Variants in NPAS3 observed in about 807,000 individuals in gnomAD.
NPAS3 encodes neuronal PAS domain-containing protein 3.
NPAS3 carries 14 observed loss-of-function variants against 73.1 expected under a neutral mutation model. That is an observed-to-expected ratio of 0.19 (90% confidence interval 0.13 to 0.30). The LOEUF (loss-of-function observed/expected upper bound fraction) is 0.30. Among genes scored for constraint, NPAS3 ranks in the 10% least tolerant of loss-of-function variants. The pLI, the probability that NPAS3 is intolerant of heterozygous loss-of-function variation, is 1.00. For synonymous variants in NPAS3, 620 were observed against 541.5 expected, an observed-to-expected ratio of 1.14 and a Z score of -2.01; for missense variants, 1,096 against 1,250.0, an observed-to-expected ratio of 0.88 and a Z score of 1.86.
rs1473417325 is a variant in NPAS3 at position 33,683,052 on chromosome 14, TAACTTTCTC to T, written c.733+6668_733+6676del. 4.8e-5 allele frequency among the ~76,000 whole-genome samples: 3 copies of T among 62,560 alleles called. No homozygotes were observed. In the East Asian group the frequency reaches 0.011, roughly 225 times the overall value. 41.0% of individuals were successfully genotyped at this position (62,560 alleles called of 152,430 possible). ...ACAGTTCTGCATGCCATTCTGAAAC[TAACTTTCTC>T]TTCTCTTTCAAAATTTAAATCACAG... On this transcript the variant is annotated intron_variant, in intron 6 of 11. Transcript: ENST00000356141.
intron 1 of NPAS3, among the ~76,000 whole-genome samples, chr14:32,975,860 CGTGTGTGT>C (rs71118522): frequency 1.6e-4 from 23 of 145,746 alleles, no homozygotes; most frequent in South Asian, 6.8e-4. Flanking sequence ...TGGTGAGGGG[CGTGTGTGT>C]GTGTGTGTGT....
chr14:32,999,712 A>G (rs955362469), intron 1 of NPAS3, among the ~76,000 whole-genome samples: 2 of 152,162 alleles, frequency 1.3e-5, no homozygotes, highest in African/African-American at 4.8e-5. Context: ...CAAAAATTAT[A>G]TATAGCCCGG....
intron 1 of NPAS3, among the ~76,000 whole-genome samples, chr14:32,970,230 T>C (rs2037361807): frequency 6.6e-6 from 1 of 152,198 alleles, no homozygotes; most frequent in African/African-American, 2.4e-5. Context: ...TAAATTCATA[T>C]CTGAAAATTC....
chr14:33,785,669 T>C (rs899970816), intron 9 of NPAS3, among the ~76,000 whole-genome samples: 4 of 152,172 alleles, frequency 2.6e-5, no homozygotes, highest in African/African-American at 9.7e-5. Context: ...CATGTATGTG[T>C]CTAACATGCA....
chr14:33,758,506 A>C (rs564335573), intron 7 of NPAS3, among the ~76,000 whole-genome samples: 1 of 152,218 alleles, frequency 6.6e-6, no homozygotes, highest in Non-Finnish European at 1.5e-5. Flanking sequence ...ACTCCTATTA[A>C]GATTTTAAAT....
At chr14:33,165,332 G>T (rs2045088114) in intron 2 of NPAS3, among the ~76,000 whole-genome samples, 1 of 151,348 alleles carries the variant, frequency 6.6e-6, no homozygotes. Context: ...GCATAATCTA[G>T]TAGGCTATCC....
At chr14:33,664,972 A>G (rs2059412085) in intron 5 of NPAS3, among the ~76,000 whole-genome samples, 1 of 152,242 alleles carries the variant, frequency 6.6e-6, no homozygotes, top group Admixed American at 6.5e-5. Flanking sequence ...ATCTAGAACC[A>G]GAAATACCAT....
At chr14:33,686,811 A>T (rs771037914) in intron 6 of NPAS3, among the ~76,000 whole-genome samples, 9 of 152,124 alleles carry the variant, frequency 5.9e-5, no homozygotes, top group Non-Finnish European at 1.0e-4. Flanking sequence ...TGAGACCACC[A>T]GCAGCTAGGG....
chr14:33,329,050 C>A (rs1201796789), intron 3 of NPAS3, among the ~76,000 whole-genome samples: 1 of 152,126 alleles, frequency 6.6e-6, no homozygotes, highest in East Asian at 1.9e-4. Flanking sequence ...GCTGTCTGGA[C>A]ATTCCTTATC....
At chr14:33,038,530 CAT>C (rs1566492109) in intron 1 of NPAS3, among the ~76,000 whole-genome samples, 1 of 100,566 alleles carries the variant, frequency 9.9e-6, no homozygotes, top group Non-Finnish European at 1.9e-5. Context: ...TATATACACA[CAT>C]ATATACACAT....
At chr14:33,498,903 T>A (rs61974985) in intron 4 of NPAS3, among the ~76,000 whole-genome samples, 4 of 149,468 alleles carry the variant, frequency 2.7e-5, no homozygotes, top group Non-Finnish European at 4.4e-5. Flanking sequence ...GATGGGCAGT[T>A]TTAAATGAAT....
At chr14:33,729,673 G>A (rs1445404812) in intron 6 of NPAS3, among the ~76,000 whole-genome samples, 2 of 152,120 alleles carry the variant, frequency 1.3e-5, no homozygotes, top group Non-Finnish European at 2.9e-5. Context: ...TCGTCCCAAC[G>A]TGGCAACTGG....
At chr14:33,198,598 G>GATTGGTGT (rs1309091423) in intron 2 of NPAS3, among the ~76,000 whole-genome samples, 3 of 152,232 alleles carry the variant, frequency 2.0e-5, no homozygotes, top group Admixed American at 2.0e-4. Context: ...ATAGAGTGCT[G>GATTGGTGT]ATTGGTGTAT....
chr14:33,800,801 G>C lies in NPAS3; in HGVS notation c.2494G>C (p.Ala832Pro), dbSNP rs2063689389. The C allele has an allele frequency of 6.3e-7, 1 of 1,592,998 alleles. No homozygotes were observed. The highest frequency in any genetic ancestry group is 1.7e-5 in the Admixed American group (1 of 57,400). Reference sequence around the variant, plus strand: ...CTACACCACGGGCACCATCCGCTACGCGCCCGCCGAGGTGACCCTGGCCAT... The same window carrying C: ...CTACACCACGGGCACCATCCGCTACCCGCCCGCCGAGGTGACCCTGGCCAT... Residue 832 changes from alanine (A) to proline (P), a missense_variant, in exon 12 of 12, where the codon GCG becomes CCG. This residue lies in a region of NPAS3 where 698 missense variants were observed against 676.7 expected (regional missense o/e 1.03). Coordinates refer to ENST00000356141, the Ensembl canonical transcript of NPAS3. This position sits in a 1 kb window ranked among gnomAD's most constrained non-coding sequence, Gnocchi z 6.5.
chr14:33,290,745 C>T (rs1193923392), intron 3 of NPAS3, among the ~76,000 whole-genome samples: 1 of 152,216 alleles, frequency 6.6e-6, no homozygotes, highest in Non-Finnish European at 1.5e-5. Flanking sequence ...GGATGCTTTG[C>T]CCAGCATCTG....
chr14:33,031,025 G>A (rs148319207), intron 1 of NPAS3, among the ~76,000 whole-genome samples: 2,322 of 152,186 alleles, frequency 0.015, 58 homozygotes, highest in African/African-American at 0.052. Context: ...AGTTAACCCC[G>A]TTCTGAACTG....
At chr14:32,998,887 G>T (rs950297513) in intron 1 of NPAS3, among the ~76,000 whole-genome samples, 1 of 152,076 alleles carries the variant, frequency 6.6e-6, no homozygotes, top group Non-Finnish European at 1.5e-5. Flanking sequence ...TCCTCCCGTT[G>T]CTCACCCTTG....
At chr14:33,457,798 T>C (rs1390356802) in intron 4 of NPAS3, among the ~76,000 whole-genome samples, 1 of 152,148 alleles carries the variant, frequency 6.6e-6, no homozygotes, top group Non-Finnish European at 1.5e-5. Context: ...AATTATGGGA[T>C]GGTGCCAGAT....
chr14:33,643,375 T>TAAAAAAAAA (rs755879056), intron 5 of NPAS3, among the ~76,000 whole-genome samples: 4 of 94,660 alleles, frequency 4.2e-5, no homozygotes, highest in Non-Finnish European at 6.1e-5. Flanking sequence ...AAATAAAAAT[T>TAAAAAAAAA]AAAAAAAAAA....
Sources: gnomAD v4.1 joint callset for allele counts (sites outside exome capture counted in the v4.1 genomes callset) on GRCh38, gnomAD v4.1.1 for gene constraint, gnomAD v4.1.1 regional missense constraint, Gnocchi (gnomAD v3.1) non-coding constraint, MANE v1.5 for transcripts, NCBI Gene and HGNC (gene_info 2026-07-23, HGNC 2026-07-21) for gene names.